The following OTOF variants were observed in gnomAD, a reference collection of about 807,000 sequenced individuals.
OTOF encodes the protein otoferlin.
Under a neutral mutation model 236.8 loss-of-function variants are expected in OTOF, and 218 were observed. That is an observed-to-expected ratio of 0.92 (90% CI 0.82 to 1.03). The LOEUF (loss-of-function observed/expected upper bound fraction) is 1.03, where lower values mean the gene tolerates loss of function less well. OTOF is among the 50% of genes least tolerant of loss of function. The pLI, the probability that OTOF is intolerant of heterozygous loss-of-function variation, is 0.00. For synonymous variants in OTOF, 1,041 were observed against 1,072.5 expected (o/e 0.97, Z 0.57); for missense variants, 2,590 against 2,694.4 (o/e 0.96, Z 0.86).
intron 1 of OTOF, among the ~76,000 whole-genome samples, chr2:26,552,646 G>A (rs1487397997): frequency 6.6e-6 from 1 of 152,188 alleles, no homozygotes; most frequent in East Asian, 1.9e-4. Flanking sequence ...TCGCTGGTGT[G>A]CAATGGCTTG....
intron 5 of OTOF, among the ~76,000 whole-genome samples, chr2:26,516,064 G>A (rs560388494): frequency 1.1e-3 from 174 of 152,182 alleles, no homozygotes; most frequent in Non-Finnish European, 1.9e-3. Context: ...ACACTGCTGG[G>A]TCTTGAACCA....
intron 5 of OTOF, among the ~76,000 whole-genome samples, chr2:26,515,434 G>A (rs566742957): frequency 2.0e-5 from 3 of 152,214 alleles, no homozygotes; most frequent in Non-Finnish European, 4.4e-5. Context: ...ATGTGCACAC[G>A]TGTGCACTCA....
Position 26,477,784 on chromosome 2 carries a change from A to G in OTOF, c.2215-35T>C. On this transcript the variant is annotated intron_variant, in intron 18 of 46. Coordinates refer to ENST00000272371, the MANE Select transcript of OTOF (RefSeq NM_194248.3). This position sits in a 1 kb window ranked among gnomAD's most constrained non-coding sequence, Gnocchi z 4.7. ...AGGAGTGTGGGTGATGCTGGGCCAC[A>G]GCCCCGCCTCCCCAGCCTCCCCAAA... 4.3e-6 allele frequency: 7 copies of G among 1,610,138 alleles called. No homozygotes were observed. The highest frequency in any genetic ancestry group is 5.9e-6 in the Non-Finnish European group (7 of 1,178,792).
At chr2:26,542,235 G>T (rs1160965941) in intron 1 of OTOF, among the ~76,000 whole-genome samples, 1 of 152,230 alleles carries the variant, frequency 6.6e-6, no homozygotes, top group African/African-American at 2.4e-5. Context: ...TCTGAGAAAA[G>T]GCAGGTGTGC....
chr2:26,528,632 G>T (rs906168927), intron 2 of OTOF, among the ~76,000 whole-genome samples: 3 of 152,152 alleles, frequency 2.0e-5, no homozygotes, highest in African/African-American at 7.2e-5. Flanking sequence ...CCTAGAAGTG[G>T]CAACAATGGC....
rs530966986 is a variant in OTOF, at chr2:26,493,797, G to A, written c.897+1145C>T. On this transcript the variant is annotated intron_variant, in intron 9 of 46. Transcript: ENST00000272371. Reference sequence around the variant, plus strand: ...AGGGGGAAAATGAAACTTAGGCGACGTCAGGGAAGATTGTAACCCCATAGT... The same window carrying A: ...AGGGGGAAAATGAAACTTAGGCGACATCAGGGAAGATTGTAACCCCATAGT... Among the ~76,000 whole-genome samples the A allele has an allele frequency of 3.9e-5, 6 of 152,300 alleles. No homozygotes were observed. The South Asian group carries it at 1.0e-3, about 26-fold the overall frequency.
In OTOF at chr2:26,473,552, G is replaced by A. The variant is rs764113587; in HGVS notation, c.3424C>T (p.Leu1142=). The change falls in exon 28 of 47, where the codon CTA becomes TTA. Residue 1142 remains leucine, a synonymous_variant. Coordinates refer to ENST00000272371, the MANE Select transcript of OTOF (RefSeq NM_194248.3). This position sits in a 1 kb window ranked among gnomAD's most constrained non-coding sequence, Gnocchi z 7.2. ...AGGTTCACCCGCTTTAGGTCCCGTAGGCCCCAGAACAGCACCTGGGAGAGG... is the reference window on the plus strand; with the variant it reads ...AGGTTCACCCGCTTTAGGTCCCGTAAGCCCCAGAACAGCACCTGGGAGAGG... ...KYRVEVLFWG[L]RDLKRVNLAQ... 5 of 1,608,658 alleles carry A rather than the reference G, an allele frequency of 3.1e-6. No homozygotes were observed. The African/African-American group carries it at 6.7e-5, about 21-fold the overall frequency.
chr2:26,499,711 A>G (rs182887600), intron 8 of OTOF, among the ~76,000 whole-genome samples: 102 of 152,204 alleles, frequency 6.7e-4, no homozygotes, highest in African/African-American at 2.4e-3. Context: ...GGGTTTCACC[A>G]TGTTGGCCAG....
rs531856675 is a variant in OTOF at position 26,484,193 on chromosome 2, T to C, written c.1205+281A>G. Among the ~76,000 whole-genome samples, 7 of 152,338 alleles carry C rather than the reference T, an allele frequency of 4.6e-5. 1 individual carries two copies. The South Asian group carries it at 1.2e-3, about 27-fold the overall frequency. On this transcript the variant is annotated intron_variant, in intron 12 of 46. Transcript: ENST00000272371. ...GCTCTCCCAGCACTTCCTGCTGCTA[T>C]ACTCAGGACCCAGCAGCTGCTGGTT...
rs766927563 is a variant in OTOF, at chr2:26,460,717, T to C, written c.5743A>G (p.Thr1915Ala). 6.2e-7 allele frequency: 1 copy of C among 1,614,150 alleles called. No individual in the cohort carries two copies. The highest frequency in any genetic ancestry group is 1.7e-5 in the Admixed American group (1 of 60,024). The part of the protein sequence containing the change: ...GKVEAELHLL[T>A]AEEAEKNPVG... ...GGGTTCTTCTCTGCCTCCTCTGCTGTCAGTAAATGCAGCTCAGCCTCCACC... is the reference window on the plus strand; with the variant it reads ...GGGTTCTTCTCTGCCTCCTCTGCTGCCAGTAAATGCAGCTCAGCCTCCACC... The change falls in exon 45 of 47, where the codon ACA becomes GCA. Residue 1915 changes from threonine (T) to alanine (A), a missense_variant. Coordinates refer to ENST00000272371, the MANE Select transcript of OTOF (RefSeq NM_194248.3). This position sits in a 1 kb window ranked among gnomAD's most constrained non-coding sequence, Gnocchi z 5.3.
intron 6 of OTOF, among the ~76,000 whole-genome samples, chr2:26,503,559 T>C (rs1666172363): frequency 6.6e-6 from 1 of 152,208 alleles, no homozygotes; most frequent in Admixed American, 6.5e-5. Context: ...GGAGGAGCCT[T>C]GTAACCAGGC....
chr2:26,517,900 T>C (rs887896862), intron 4 of OTOF, among the ~76,000 whole-genome samples: 1 of 152,186 alleles, frequency 6.6e-6, no homozygotes, highest in Non-Finnish European at 1.5e-5. Flanking sequence ...CTTATCTCAC[T>C]TCCCACACTA....
At chr2:26,487,153 C>T (rs1665719729) in intron 11 of OTOF, among the ~76,000 whole-genome samples, 1 of 152,160 alleles carries the variant, frequency 6.6e-6, no homozygotes, top group Admixed American at 6.5e-5. Context: ...AAACCCCTTC[C>T]AGTTCCAAGA....
intron 1 of OTOF, among the ~76,000 whole-genome samples, chr2:26,552,475 A>C (rs1667486474): frequency 6.6e-6 from 1 of 152,248 alleles, no homozygotes; most frequent in South Asian, 2.1e-4. Context: ...TTCCCAATTC[A>C]GAGAAATGAT....
intron 1 of OTOF, among the ~76,000 whole-genome samples, chr2:26,542,512 C>T (rs1411630604): frequency 3.9e-5 from 6 of 152,334 alleles, no homozygotes; most frequent in African/African-American, 7.2e-5. Flanking sequence ...GGAGCAATGA[C>T]TCTCAATGTA....
In OTOF at chr2:26,489,356, C is replaced by G; in HGVS notation, c.961-61G>C. ...AGCAAGGGTGAGGCTTTCCATGGGG[C>G]AGTGGTGGGACCCGAGCTTTGTGGT... On this transcript the variant is annotated intron_variant, in intron 10 of 46. Transcript: ENST00000272371. 2.3e-6 allele frequency: 3 copies of G among 1,314,424 alleles called. No homozygotes were observed. In the South Asian group the frequency reaches 3.7e-5, roughly 16 times the overall value. 81.4% of individuals were successfully genotyped at this position (1,314,424 alleles called of 1,614,324 possible).
intron 5 of OTOF, among the ~76,000 whole-genome samples, chr2:26,507,772 T>C (rs1350185492): frequency 6.6e-6 from 1 of 152,206 alleles, no homozygotes; most frequent in East Asian, 1.9e-4. Flanking sequence ...TAGAATCCGT[T>C]TGAGTTTCCT....
At chr2:26,468,360 A>G (rs754205959) in intron 33 of OTOF, 48 bp downstream of exon 33, 1 of 1,458,654 alleles carries the variant, frequency 6.9e-7, no homozygotes, top group South Asian at 1.1e-5. Context: ...AGAGCTGACC[A>G]CCCAGGGGCG....
At chr2:26,521,636 C>T (rs576543972) in intron 3 of OTOF, among the ~76,000 whole-genome samples, 8 of 152,352 alleles carry the variant, frequency 5.3e-5, no homozygotes, top group African/African-American at 1.7e-4. Context: ...CTTAATCACA[C>T]AGTGTGCTGA....
Sources: allele counts gnomAD v4.1 joint callset (sites outside exome capture counted in the v4.1 genomes callset), GRCh38; gene constraint gnomAD v4.1.1; non-coding constraint Gnocchi (gnomAD v3.1); transcripts MANE v1.5; gene names NCBI Gene and HGNC (gene_info 2026-07-23, HGNC 2026-07-21).